OR4D9: variants seen among roughly 807,000 people sequenced by gnomAD.
OR4D9 encodes olfactory receptor 4D9.
OR4D9 carries 2 observed loss-of-function variants against 0.8 expected under a neutral mutation model. The ratio of observed to expected loss-of-function variants is 2.58; its 90% confidence interval spans 1.06 to 8.13. OR4D9 has a LOEUF of 8.13. OR4D9 is among the 30% of genes most tolerant of loss of function. The pLI, the probability that OR4D9 is intolerant of heterozygous loss-of-function variation, is 0.04. For missense variants in OR4D9, 399 were observed against 384.7 expected (o/e 1.04, Z -0.31); for synonymous variants, 146 against 151.2 (o/e 0.97, Z 0.25).
chr11:59,518,984 C>G lies in OR4D9; in HGVS notation c.*3127C>G, dbSNP rs1415757023. 1 of 152,148 alleles carries G rather than the reference C, an allele frequency of 6.6e-6. No individual in the cohort carries two copies. Among genetic ancestry groups the G allele is most frequent in the Non-Finnish European group, 1.5e-5 (1 of 68,030 alleles). 9.4% of individuals were successfully genotyped at this position (152,148 alleles called of 1,614,324 possible). A position where few individuals can be genotyped will look rare whatever the true frequency, so the allele number is the denominator to read the frequency against. The stretch of plus-strand genomic sequence containing the variant: ...TCTCTTCCACATGTAAGATTCACTG[C>G]TAAGAAATCACAGTTGGGTTACATT... On this transcript the variant is annotated 3_prime_UTR_variant, in exon 3 of 3. Coordinates refer to ENST00000641962, the MANE Select transcript of OR4D9 (RefSeq NM_001004711.2).
At position 59,519,860 on chromosome 11, in the gene OR4D9, G is replaced by A. The variant is rs540209769; in HGVS notation, c.*4003G>A. ...AATGTGATACATTATACACCATGGG[G>A]TACTATGCAGACATTTTTAAAAATG... On this transcript the variant is annotated 3_prime_UTR_variant, in exon 3 of 3. Coordinates refer to ENST00000641962, the MANE Select transcript of OR4D9 (RefSeq NM_001004711.2). 1 of 152,324 alleles carries A rather than the reference G, an allele frequency of 6.6e-6. No individual in the cohort carries two copies. The highest frequency in any genetic ancestry group is 1.9e-4 in the East Asian group (1 of 5,186). The allele number at this position is 152,324 out of a possible 1,614,324, so 9.4% of individuals were successfully genotyped here.
rs117262109 is a variant in OR4D9, at chr11:59,513,578, C to T, written c.-124-1095C>T. ...TGTATAGTATTGTGTGAACGTAACA[C>T]AGTTTATTTATCTTTTCTACTGTTG... On this transcript the variant is annotated intron_variant, in intron 1 of 2. Transcript: ENST00000641962. 8.3e-3 allele frequency among the ~76,000 whole-genome samples: 1,266 copies of T among 152,190 alleles called. 21 individuals are homozygous for T. Among genetic ancestry groups the T allele is most frequent in the Non-Finnish European group, 9.6e-3 (656 of 67,998 alleles).
At chr11:59,512,370 G>A (rs1433593342) in intron 1 of OR4D9, among the ~76,000 whole-genome samples, 2 of 135,758 alleles carry the variant, frequency 1.5e-5, no homozygotes, top group Admixed American at 8.4e-5. Context: ...CCAGCTACTC[G>A]AGAGGCTGAG....
In OR4D9 at chr11:59,511,735, CAAAGA is replaced by C. The variant is rs1432335166; in HGVS notation, c.-130_-126del. The C allele has an allele frequency of 1.3e-5, 2 of 152,066 alleles. No homozygotes were observed. The highest frequency in any genetic ancestry group is 1.5e-5 in the Non-Finnish European group (1 of 68,016). The allele number at this position is 152,066 out of a possible 1,614,324, so 9.4% of individuals were successfully genotyped here. Reference sequence around the variant, plus strand: ...TATGGAAGTCAAGACTCTTAAGAAGCAAAGAAAAGAGGTAGTTTTTCACTATTAGA... The same window carrying C: ...TATGGAAGTCAAGACTCTTAAGAAGCAAAGAGGTAGTTTTTCACTATTAGA... On this transcript the variant is annotated 5_prime_UTR_variant, in exon 1 of 3. The change creates a premature stop within an existing upstream ORF in the 5' untranslated region. Coordinates refer to ENST00000641962, the MANE Select transcript of OR4D9 (RefSeq NM_001004711.2).
chr11:59,517,712 T>G lies in OR4D9; in HGVS notation c.*1855T>G, dbSNP rs1455206865. The G allele has an allele frequency of 6.6e-6, 1 of 151,992 alleles. No individual in the cohort carries two copies. Among genetic ancestry groups the G allele is most frequent in the African/African-American group, 2.4e-5 (1 of 41,354 alleles). 9.4% of individuals were successfully genotyped at this position (151,992 alleles called of 1,614,324 possible). On this transcript the variant is annotated 3_prime_UTR_variant, in exon 3 of 3. Transcript: ENST00000641962. ...CGGGTGTGGTGGTAAGCGCCTGTAA[T>G]CCCAGCTACTCAGGAGGCTAAGGCA...
chr11:59,515,331 G>T lies in OR4D9; in HGVS notation c.419G>T (p.Arg140Leu), dbSNP rs539665433. The T allele has an allele frequency of 6.2e-7, 1 of 1,613,700 alleles. No individual in the cohort carries two copies. The highest frequency in any genetic ancestry group is 1.1e-5 in the South Asian group (1 of 91,022). ...LHYMTIMSRG[R>L]CTGLIVASWV... Reference sequence around the variant, plus strand: ...TATATGACCATCATGAGTAGGGGGCGATGCACAGGCCTCATCGTGGCTTCC... The same window carrying T: ...TATATGACCATCATGAGTAGGGGGCTATGCACAGGCCTCATCGTGGCTTCC... Residue 140 changes from arginine (R) to leucine (L), a missense_variant, in exon 3 of 3, where the codon CGA becomes CTA. Arg to Leu is a moderately radical substitution (Grantham distance 102, BLOSUM62 -2). Transcript: ENST00000641962.
In OR4D9 at chr11:59,519,516, G is replaced by A. The variant is rs1375141459; in HGVS notation, c.*3659G>A. On this transcript the variant is annotated 3_prime_UTR_variant, in exon 3 of 3. Coordinates refer to ENST00000641962, the MANE Select transcript of OR4D9 (RefSeq NM_001004711.2). ...GGATTAGGATGACAGTAGACTAGAA[G>A]GGCAGGGTTCCATGAGATAGAACAT... The A allele has an allele frequency of 6.6e-6, 1 of 152,152 alleles. No individual in the cohort carries two copies. Among genetic ancestry groups the A allele is most frequent in the African/African-American group, 2.4e-5 (1 of 41,418 alleles). The allele number at this position is 152,152 out of a possible 1,614,324, so 9.4% of individuals were successfully genotyped here.
rs1590638131 is a variant in OR4D9 at position 59,517,296 on chromosome 11, T to G, written c.*1439T>G. ...GCATGCGCAAAGAAAGAAAATGAGG[T>G]GAGATTGTGCCACATTTGTGTAACA... is the stretch of plus-strand genomic sequence containing the variant. On this transcript the variant is annotated 3_prime_UTR_variant, in exon 3 of 3. Coordinates refer to ENST00000641962, the MANE Select transcript of OR4D9 (RefSeq NM_001004711.2). The G allele has an allele frequency of 1.4e-5, 2 of 139,152 alleles. No individual in the cohort carries two copies. The highest frequency in any genetic ancestry group is 2.6e-5 in the African/African-American group (1 of 38,094). 8.6% of individuals were successfully genotyped at this position (139,152 alleles called of 1,614,324 possible).
Position 59,514,976 on chromosome 11 carries a change from G to A in OR4D9, c.64G>A (p.Glu22Lys). The A allele has an allele frequency of 6.2e-7, 1 of 1,614,074 alleles. No individual in the cohort carries two copies. The highest frequency in any genetic ancestry group is 1.1e-5 in the South Asian group (1 of 91,072). ...CTTCCTGGGAATTACTCAGTCCCGA[G>A]AACTGAGCCAGGTCTTATTTACCTT... ...FTFLGITQSR[E>K]LSQVLFTFLF... The change falls in exon 3 of 3, where the codon GAA becomes AAA. Residue 22 changes from glutamate (E) to lysine (K), a missense_variant. Transcript: ENST00000641962.
rs1156239637 is a variant in OR4D9, at chr11:59,516,503, T to TA, written c.*652dup. 1 of 150,766 alleles carries TA rather than the reference T, an allele frequency of 6.6e-6. No homozygotes were observed. The highest frequency in any genetic ancestry group is 1.5e-5 in the Non-Finnish European group (1 of 67,706). The allele number at this position is 150,766 out of a possible 1,614,324, so 9.3% of individuals were successfully genotyped here. On this transcript the variant is annotated 3_prime_UTR_variant, in exon 3 of 3. Coordinates refer to ENST00000641962, the MANE Select transcript of OR4D9 (RefSeq NM_001004711.2). Reference sequence around the variant, plus strand: ...CTCCATCTCAAAAAAATAAAAAAAATAAAAAATAAATAAACAAAGTGCTAG... The same window carrying TA: ...CTCCATCTCAAAAAAATAAAAAAAATAAAAAAATAAATAAACAAAGTGCTAG...
In OR4D9 at chr11:59,515,376, A is replaced by G. The variant is rs1314427709; in HGVS notation, c.464A>G (p.His155Arg). 6.2e-7 allele frequency: 1 copy of G among 1,613,240 alleles called. No individual in the cohort carries two copies. Among genetic ancestry groups the G allele is most frequent in the South Asian group, 1.1e-5 (1 of 91,030 alleles). Residue 155 changes from histidine to arginine, a missense_variant, in exon 3 of 3, where the codon CAC (histidine) becomes CGC (arginine). Physicochemically the swap from His to Arg is conservative, Grantham distance 29. Transcript: ENST00000641962. ...GCTTCCTGGGTGGGGGGCTTTGTCC[A>G]CTCCATAGCGCAGATTTCTCTATTG... ...IVASWVGGFVHSIAQISLLLP... is the reference protein window; with the variant it reads ...IVASWVGGFVRSIAQISLLLP...
chr11:59,513,595 C>T (rs1859359992), intron 1 of OR4D9, among the ~76,000 whole-genome samples: 1 of 152,022 alleles, frequency 6.6e-6, no homozygotes. Flanking sequence ...TTTATCTTTT[C>T]TACTGTTGAT....
At position 59,515,817 on chromosome 11, in the gene OR4D9, A is replaced by T; in HGVS notation, c.905A>T (p.Lys302Met). The T allele has an allele frequency of 6.2e-7, 1 of 1,614,100 alleles. No homozygotes were observed. The highest frequency in any genetic ancestry group is 2.2e-5 in the East Asian group (1 of 44,886). ...QEMKLAMRKL[K>M]RRLGQSERIL... is the part of the protein sequence containing the mutation. ...ATGAAGTTGGCCATGAGGAAACTGA[A>T]GAGACGGCTAGGACAATCAGAAAGG... Residue 302 changes from lysine to methionine, a missense_variant, in exon 3 of 3, where the codon AAG becomes ATG. Coordinates refer to ENST00000641962, the MANE Select transcript of OR4D9 (RefSeq NM_001004711.2).
rs1859429036 is a variant in OR4D9, at chr11:59,518,190, T to C, written c.*2333T>C. 6.6e-6 allele frequency: 1 copy of C among 152,262 alleles called. No homozygotes were observed. Among genetic ancestry groups the C allele is most frequent in the African/African-American group, 2.4e-5 (1 of 41,464 alleles). The allele number at this position is 152,262 out of a possible 1,614,324, so 9.4% of individuals were successfully genotyped here. A position where few individuals can be genotyped will look rare whatever the true frequency, so the allele number is the denominator to read the frequency against. ...CTGCTAAGATCTATTGACTTCACCA[T>C]ACTGTGTTCCCCACTATGATAAAGC... On this transcript the variant is annotated 3_prime_UTR_variant, in exon 3 of 3. Transcript: ENST00000641962.
At chr11:59,514,011 G>A (rs1434728762) in intron 1 of OR4D9, among the ~76,000 whole-genome samples, 1 of 152,066 alleles carries the variant, frequency 6.6e-6, no homozygotes, top group African/African-American at 2.4e-5. Context: ...GAATATTCTA[G>A]GACATGTCTT....
rs1209137770 is a variant in OR4D9, at chr11:59,519,410, G to A, written c.*3553G>A. 1.3e-5 allele frequency: 2 copies of A among 151,876 alleles called. No individual in the cohort carries two copies. Among genetic ancestry groups the A allele is most frequent in the Non-Finnish European group, 2.9e-5 (2 of 68,062 alleles). The allele number at this position is 151,876 out of a possible 1,614,324, so 9.4% of individuals were successfully genotyped here. On this transcript the variant is annotated 3_prime_UTR_variant, in exon 3 of 3. Coordinates refer to ENST00000641962, the MANE Select transcript of OR4D9 (RefSeq NM_001004711.2). ...GGCAACTAGACCCTTAGAACACACA[G>A]AGAGCCAAACCGAAATGAAGGAGAT...
chr11:59,518,036 TAGAA>T lies in OR4D9; in HGVS notation c.*2180_*2183del, dbSNP rs1488392838. On this transcript the variant is annotated 3_prime_UTR_variant, in exon 3 of 3. Transcript: ENST00000641962. ...CCTTTACCTGTGCCACTCAATCTAT[TAGAA>T]GGTAAAGAAAGGGTATAAAAAGCAT... is the stretch of plus-strand genomic sequence containing the variant. 6.6e-6 allele frequency: 1 copy of T among 152,082 alleles called. No individual in the cohort carries two copies. The highest frequency in any genetic ancestry group is 1.5e-5 in the Non-Finnish European group (1 of 68,030). The allele number at this position is 152,082 out of a possible 1,614,324, so 9.4% of individuals were successfully genotyped here.
In OR4D9 at chr11:59,515,929, C is replaced by A; in HGVS notation, c.*72C>A. On this transcript the variant is annotated 3_prime_UTR_variant, in exon 3 of 3. Coordinates refer to ENST00000641962, the MANE Select transcript of OR4D9 (RefSeq NM_001004711.2). ...TCTCAAAATGGGAAAGGAGCTTGTT[C>A]ATGCCCAAAACAAAGAGATACCTAT... The A allele has an allele frequency of 8.6e-7, 1 of 1,157,994 alleles. No homozygotes were observed. The highest frequency in any genetic ancestry group is 1.2e-6 in the Non-Finnish European group (1 of 833,852). 71.7% of individuals were successfully genotyped at this position (1,157,994 alleles called of 1,614,324 possible).
Position 59,515,287 on chromosome 11 carries a change from C to T in OR4D9, c.375C>T (p.Ala125=). ...LSVMAFDRYI[A]ISKPLHYMTI... The stretch of plus-strand genomic sequence containing the variant: ...TGATGGCGTTTGACCGCTATATAGC[C>T]ATCTCCAAGCCCCTGCACTATATGA... The change falls in exon 3 of 3, where the codon GCC becomes GCT. Residue 125 remains alanine, a synonymous_variant. Transcript: ENST00000641962. The T allele has an allele frequency of 6.2e-7, 1 of 1,612,236 alleles. No individual in the cohort carries two copies. Among genetic ancestry groups the T allele is most frequent in the Non-Finnish European group, 8.5e-7 (1 of 1,179,246 alleles).
Sources: allele counts gnomAD v4.1 joint callset (sites outside exome capture counted in the v4.1 genomes callset), GRCh38; gene constraint gnomAD v4.1.1; transcripts MANE v1.5; gene names NCBI Gene and HGNC (gene_info 2026-07-23, HGNC 2026-07-21).